SNRK: variants seen among roughly 807,000 people sequenced by gnomAD.
SNRK encodes the protein SNF-related serine/threonine-protein kinase.
SNRK carries 3 observed loss-of-function variants against 48.2 expected under a neutral mutation model. That is an observed-to-expected ratio of 0.06 (90% confidence interval 0.03 to 0.16). The LOEUF is 0.16. SNRK is among the 10% of genes least tolerant of loss of function. The probability of loss-of-function intolerance (pLI) is 1.00; values close to 1 mark genes in which losing one functional copy is unlikely to be tolerated. For synonymous variants in SNRK, 376 were observed against 366.1 expected (o/e 1.03, Z -0.31); for missense variants, 627 against 976.0 (o/e 0.64, Z 4.76).
rs1332792176 is a variant in SNRK, at chr3:43,313,364, T to A, written c.589+9572T>A. ...GTTATACTGTGGTGTATTCATACCA[T>A]GGAATACTATGCAGCAATAAAAAGG... is the stretch of plus-strand genomic sequence containing the variant. On this transcript the variant is annotated intron_variant, in intron 3 of 6. Coordinates refer to ENST00000296088, the MANE Select transcript of SNRK (RefSeq NM_017719.5). Among the ~76,000 whole-genome samples, 3 of 152,162 alleles carry A rather than the reference T, an allele frequency of 2.0e-5. No homozygotes were observed. The East Asian group carries it at 5.8e-4, about 29-fold the overall frequency.
At position 43,345,113 on chromosome 3, in the gene SNRK, T is replaced by A. The variant is rs573939009; in HGVS notation, c.1079+1635T>A. On this transcript the variant is annotated intron_variant, in intron 6 of 6. Transcript: ENST00000296088. ...CTATAAAAATTAAAAATAAAAAAAATTTAAAAATACCAGAGCTTTCTGAAC... is the reference window on the plus strand; with the variant it reads ...CTATAAAAATTAAAAATAAAAAAAAATTAAAAATACCAGAGCTTTCTGAAC... Among the ~76,000 whole-genome samples, 9 of 152,222 alleles carry A rather than the reference T, an allele frequency of 5.9e-5. No homozygotes were observed. The South Asian group carries it at 8.3e-4, about 14-fold the overall frequency.
At chr3:43,288,254 T>G (rs548403388) in intron 1 of SNRK, among the ~76,000 whole-genome samples, 1 of 152,300 alleles carries the variant, frequency 6.6e-6, no homozygotes, top group African/African-American at 2.4e-5. Flanking sequence ...TTTAAATTTG[T>G]ATAATCAGTT....
At chr3:43,306,638 TTAA>T (rs2090940064) in intron 3 of SNRK, among the ~76,000 whole-genome samples, 2 of 152,198 alleles carry the variant, frequency 1.3e-5, no homozygotes, top group South Asian at 4.1e-4. Flanking sequence ...AAATGGTTTA[TTAA>T]TGCTATTTAG....
At chr3:43,341,236 C>T (rs150618889) in intron 5 of SNRK, among the ~76,000 whole-genome samples, 3,663 of 152,012 alleles carry the variant, frequency 0.024, 148 homozygotes, top group African/African-American at 0.081. Flanking sequence ...CTGCAAGCTC[C>T]GCCTCCCGGG....
rs1406526593 is a variant in SNRK, at chr3:43,303,409, T to C, written c.206T>C (p.Leu69Pro). 6.2e-7 allele frequency: 1 copy of C among 1,614,152 alleles called. No homozygotes were observed. Among genetic ancestry groups the C allele is most frequent in the East Asian group, 2.2e-5 (1 of 44,882 alleles). The change falls in exon 3 of 7, where the codon CTA becomes CCA. Residue 69 changes from leucine to proline, a missense_variant. Physicochemically the swap from Leu to Pro is moderately conservative, Grantham distance 98. Coordinates refer to ENST00000296088, the MANE Select transcript of SNRK (RefSeq NM_017719.5). This position sits in a 1 kb window ranked among gnomAD's most constrained non-coding sequence, Gnocchi z 6.2. Reference sequence around the variant, plus strand: ...TTCCAGGAAGTGAGATGCATGAAACTAGTGCAGCATCCTAACATCGTCCGC... The same window carrying C: ...TTCCAGGAAGTGAGATGCATGAAACCAGTGCAGCATCCTAACATCGTCCGC... ...HLFQEVRCMK[L>P]VQHPNIVRLY... is the part of the protein sequence containing the mutation.
intron 1 of SNRK, among the ~76,000 whole-genome samples, chr3:43,298,369 G>A (rs1259775207): frequency 6.6e-6 from 1 of 152,154 alleles, no homozygotes; most frequent in Non-Finnish European, 1.5e-5. Flanking sequence ...GATAGTGGAA[G>A]GAGCTACTAT....
At chr3:43,337,254 T>TAGTAGTG (rs1432414993) in intron 4 of SNRK, among the ~76,000 whole-genome samples, 2 of 151,742 alleles carry the variant, frequency 1.3e-5, no homozygotes, top group African/African-American at 4.8e-5. Context: ...TTTGTATTTT[T>TAGTAGTG]AGTAGTGATG....
At chr3:43,345,991 G>T (rs557179140) in intron 6 of SNRK, among the ~76,000 whole-genome samples, 1 of 152,196 alleles carries the variant, frequency 6.6e-6, no homozygotes, top group Non-Finnish European at 1.5e-5. Flanking sequence ...GGGCCTGTCT[G>T]CAGACTCCGG....
intron 3 of SNRK, among the ~76,000 whole-genome samples, chr3:43,317,486 G>C (rs1239600238): frequency 6.6e-6 from 1 of 152,140 alleles, no homozygotes; most frequent in South Asian, 2.1e-4. Flanking sequence ...AATTCAAGTT[G>C]GATCATATTA....
At chr3:43,311,350 G>T (rs948037493) in intron 3 of SNRK, among the ~76,000 whole-genome samples, 1 of 152,158 alleles carries the variant, frequency 6.6e-6, no homozygotes, top group African/African-American at 2.4e-5. Flanking sequence ...AGCTCCCCCA[G>T]CTGGGTTTTG....
At chr3:43,318,639 A>G (rs957108802) in intron 3 of SNRK, among the ~76,000 whole-genome samples, 1 of 152,176 alleles carries the variant, frequency 6.6e-6, no homozygotes, top group African/African-American at 2.4e-5. Flanking sequence ...CATTAGAGCA[A>G]ACTTTCTAAC....
chr3:43,345,015 T>C (rs887310425), intron 6 of SNRK, among the ~76,000 whole-genome samples: 4 of 152,166 alleles, frequency 2.6e-5, no homozygotes, highest in Non-Finnish European at 4.4e-5. Flanking sequence ...GTTCAACCCT[T>C]TGGGAGGCCA....
At chr3:43,317,068 C>T (rs2091019014) in intron 3 of SNRK, among the ~76,000 whole-genome samples, 1 of 152,086 alleles carries the variant, frequency 6.6e-6, no homozygotes, top group Non-Finnish European at 1.5e-5. Flanking sequence ...CTGTAAAATC[C>T]TGTGTAAAAT....
At chr3:43,346,098 C>T (rs1174708687) in intron 6 of SNRK, among the ~76,000 whole-genome samples, 1 of 152,202 alleles carries the variant, frequency 6.6e-6, no homozygotes, top group Non-Finnish European at 1.5e-5. Flanking sequence ...TCATAGACTG[C>T]ACCCAGATAG....
chr3:43,340,584 C>A, intron 5 of SNRK, 85 bp downstream of exon 5: 1 of 1,168,868 alleles, frequency 8.6e-7, no homozygotes, highest in Non-Finnish European at 1.2e-6. Flanking sequence ...CCTTTGGACA[C>A]CTGTGTAATA....
chr3:43,335,654 T>TA (rs1321176925), intron 4 of SNRK, among the ~76,000 whole-genome samples: 13 of 152,330 alleles, frequency 8.5e-5, no homozygotes, highest in African/African-American at 3.1e-4. Flanking sequence ...ATCTATCAGT[T>TA]ACTGAGGTAT....
intron 3 of SNRK, among the ~76,000 whole-genome samples, chr3:43,314,355 A>T (rs1033772774): frequency 6.6e-6 from 1 of 152,238 alleles, no homozygotes; most frequent in African/African-American, 2.4e-5. Flanking sequence ...TCCCTGGTCT[A>T]TCTGAAATGA....
chr3:43,286,738 T>G (rs979792303), intron 1 of SNRK, 63 bp downstream of exon 1: 2 of 147,406 alleles, frequency 1.4e-5, no homozygotes, highest in Non-Finnish European at 3.0e-5. Flanking sequence ...GGGGCCGGCC[T>G]CCGCCGCCTC....
intron 3 of SNRK, among the ~76,000 whole-genome samples, chr3:43,310,178 AATTT>A (rs934446857): frequency 1.8e-4 from 27 of 151,444 alleles, no homozygotes; most frequent in African/African-American, 6.6e-4. Context: ...AGGTGGATTT[AATTT>A]ATTTATATTT....
Sources: allele counts gnomAD v4.1 joint callset (sites outside exome capture counted in the v4.1 genomes callset), GRCh38; gene constraint gnomAD v4.1.1; non-coding constraint Gnocchi (gnomAD v3.1); transcripts MANE v1.5; gene names NCBI Gene and HGNC (gene_info 2026-07-23, HGNC 2026-07-21).